Variants in RBFOX1 observed in about 807,000 individuals in gnomAD.
RBFOX1 encodes the protein RNA binding protein fox-1 homolog 1.
In RBFOX1, 8 loss-of-function variants were observed where a neutral mutation model predicts 57.7. The ratio of observed to expected loss-of-function variants is 0.14; its 90% confidence interval spans 0.08 to 0.25. RBFOX1 has a LOEUF of 0.25. Among genes scored for constraint, RBFOX1 ranks in the 10% least tolerant of loss-of-function variants. RBFOX1 has a pLI of 1.00. For missense variants in RBFOX1, 611 were observed against 548.5 expected, an observed-to-expected ratio of 1.11 and a Z score of -1.14; for synonymous variants, 326 against 222.4, an observed-to-expected ratio of 1.47 and a Z score of -4.15.
intron 1 of RBFOX1, among the ~76,000 whole-genome samples, chr16:6,193,189 A>G (rs2097152857): frequency 6.6e-6 from 1 of 151,212 alleles, no homozygotes; most frequent in African/African-American, 2.4e-5. Flanking sequence ...TGAAAACCTC[A>G]TCCAAGGCTC....
Position 6,565,269 on chromosome 16 carries a change from T to TTTTC in RBFOX1, c.-63-89333_-63-89332insTTCT, listed in dbSNP as rs2097246231. Among the ~76,000 whole-genome samples, 4 of 151,934 alleles carry TTTTC rather than the reference T, an allele frequency of 2.6e-5. No homozygotes were observed. In the South Asian group the frequency reaches 8.3e-4, roughly 32 times the overall value. On this transcript the variant is annotated intron_variant, in intron 2 of 15. Transcript: ENST00000550418. The stretch of plus-strand genomic sequence containing the variant: ...ACTTTTTCTTTTCTTTTCTTTTTTT[T>TTTTC]TGTCTGAGACAGAGTCTCACTCTGT...
chr16:7,337,745 C>A (rs770673978), intron 4 of RBFOX1, among the ~76,000 whole-genome samples: 1 of 152,004 alleles, frequency 6.6e-6, no homozygotes, highest in African/African-American at 2.4e-5. Context: ...AGTGCAGGGG[C>A]GCAATCTCGG....
At chr16:6,990,336 C>G (rs1277624812) in intron 3 of RBFOX1, among the ~76,000 whole-genome samples, 1 of 151,990 alleles carries the variant, frequency 6.6e-6, no homozygotes, top group African/African-American at 2.4e-5. Flanking sequence ...ACCAGCCTGG[C>G]CAACATGGTG....
chr16:6,309,077 G>A (rs80158966), intron 1 of RBFOX1, among the ~76,000 whole-genome samples: 3,637 of 152,046 alleles, frequency 0.024, 160 homozygotes, highest in African/African-American at 0.082. Flanking sequence ...CAGGTCTCAT[G>A]TGTATATTTC....
Position 7,630,588 on chromosome 16 carries a change from C to T in RBFOX1, c.677-15C>T, listed in dbSNP as rs770204602. 1.1e-5 allele frequency: 18 copies of T among 1,614,072 alleles called. No individual in the cohort carries two copies. The East Asian group carries it at 2.9e-4, about 26-fold the overall frequency. On this transcript the variant is annotated splice_polypyrimidine_tract_variant and intron_variant, in intron 10 of 15. Coordinates refer to ENST00000550418, the MANE Select transcript of RBFOX1 (RefSeq NM_018723.4). ...GATTCCCAAACCAGATACCATCTCT[C>T]TCTCTCTTTCGTAGGCACGGTCCTG...
intron 3 of RBFOX1, among the ~76,000 whole-genome samples, chr16:6,832,411 G>C (rs889694367): frequency 4.6e-5 from 7 of 152,178 alleles, no homozygotes; most frequent in Admixed American, 4.6e-4. Flanking sequence ...AATAGTGACT[G>C]AGGGGTCTGC....
intron 4 of RBFOX1, among the ~76,000 whole-genome samples, chr16:5,977,158 C>T (rs978368722): frequency 3.3e-5 from 5 of 152,154 alleles, no homozygotes; most frequent in African/African-American, 9.7e-5. Flanking sequence ...GACCACCCAT[C>T]TCTGTAGCTA....
At chr16:5,531,802 CTTT>C (rs35194843) in intron 2 of RBFOX1, among the ~76,000 whole-genome samples, 85 of 134,198 alleles carry the variant, frequency 6.3e-4, no homozygotes, top group Admixed American at 8.1e-4. Flanking sequence ...GTCAAGAGGT[CTTT>C]TTTTTTTTTT....
chr16:7,100,925 AT>A (rs1253597359), intron 4 of RBFOX1, among the ~76,000 whole-genome samples: 2 of 152,176 alleles, frequency 1.3e-5, no homozygotes, highest in Admixed American at 6.5e-5. Context: ...AGTACAAGGG[AT>A]TTTTTTTAAG....
At chr16:5,290,687 G>A (rs2063512071) in intron 1 of RBFOX1, among the ~76,000 whole-genome samples, 1 of 142,448 alleles carries the variant, frequency 7.0e-6, no homozygotes, top group South Asian at 2.3e-4. Flanking sequence ...TAGGCATAGA[G>A]CAGATTTAAG....
intron 3 of RBFOX1, among the ~76,000 whole-genome samples, chr16:5,680,853 G>C (rs1038985855): frequency 6.6e-6 from 1 of 151,990 alleles, no homozygotes; most frequent in Non-Finnish European, 1.5e-5. Flanking sequence ...ATAGAGTAAT[G>C]AACAAGACGT....
chr16:5,429,127 C>A (rs890010661), intron 1 of RBFOX1, among the ~76,000 whole-genome samples: 1 of 152,186 alleles, frequency 6.6e-6, no homozygotes, highest in Non-Finnish European at 1.5e-5. Flanking sequence ...GCCTCTCTGC[C>A]TGACTCAGCC....
chr16:6,453,202 T>G lies in RBFOX1; in HGVS notation c.-64+136145T>G, dbSNP rs560642723. ...TAGGTATACACATGCCACAGTGGTTTGCTGCACCCATCAACCTGTCATCTA... is the reference window on the plus strand; with the variant it reads ...TAGGTATACACATGCCACAGTGGTTGGCTGCACCCATCAACCTGTCATCTA... On this transcript the variant is annotated intron_variant, in intron 2 of 15. Transcript: ENST00000550418. Among the ~76,000 whole-genome samples the G allele has an allele frequency of 2.0e-5, 3 of 152,258 alleles. No homozygotes were observed. The East Asian group carries it at 5.8e-4, about 29-fold the overall frequency.
At chr16:7,164,535 G>GA (rs1714807575) in intron 4 of RBFOX1, among the ~76,000 whole-genome samples, 1 of 152,164 alleles carries the variant, frequency 6.6e-6, no homozygotes, top group South Asian at 2.1e-4. Context: ...ATCCAAACCA[G>GA]AAAAGAGTAA....
chr16:5,314,852 C>T (rs1013065330), intron 1 of RBFOX1, among the ~76,000 whole-genome samples: 7 of 147,786 alleles, frequency 4.7e-5, no homozygotes, highest in African/African-American at 1.7e-4. Context: ...AAAGAACTTT[C>T]AGGTCAAAGA....
At chr16:5,645,811 A>G (rs981965522) in intron 3 of RBFOX1, among the ~76,000 whole-genome samples, 1 of 152,204 alleles carries the variant, frequency 6.6e-6, no homozygotes, top group African/African-American at 2.4e-5. Flanking sequence ...AACTACAGGC[A>G]TGTGCCACCA....
chr16:5,983,960 T>C (rs2060228303), intron 4 of RBFOX1, among the ~76,000 whole-genome samples: 1 of 135,328 alleles, frequency 7.4e-6, no homozygotes, highest in African/African-American at 2.8e-5. Flanking sequence ...CTCTTCTTCT[T>C]CTTCCTTCTT....
At chr16:5,255,354 C>CTCCATCCATCCATCCATCCATCCA (rs750177791) in intron 1 of RBFOX1, among the ~76,000 whole-genome samples, 980 of 86,288 alleles carry the variant, frequency 0.011, 10 homozygotes, top group South Asian at 0.043. Context: ...CCATCCATCC[C>CTCCATCCATCCATCCATCCATCCA]TCCATCCATC....
chr16:5,471,955 G>T (rs566468373), intron 2 of RBFOX1, among the ~76,000 whole-genome samples: 1 of 152,184 alleles, frequency 6.6e-6, no homozygotes, highest in Admixed American at 6.5e-5. Context: ...CTGGAGTGTG[G>T]GTCCTTGTGT....
Sources: gnomAD v4.1 joint callset for allele counts (sites outside exome capture counted in the v4.1 genomes callset) on GRCh38, gnomAD v4.1.1 for gene constraint, MANE v1.5 for transcripts, NCBI Gene and HGNC (gene_info 2026-07-23, HGNC 2026-07-21) for gene names.